The following DENND10 variants were observed in gnomAD, a reference collection of about 807,000 sequenced individuals.
The protein encoded by DENND10 is DENN domain-containing protein 10.
DENND10 carries 24 observed loss-of-function variants against 43.6 expected under a neutral mutation model. That is an observed-to-expected ratio of 0.55 (90% CI 0.40 to 0.77). DENND10 has a LOEUF of 0.77. DENND10 is among the 30% of genes least tolerant of loss of function. DENND10 has a pLI of 0.00. For missense variants in DENND10, 303 were observed against 429.9 expected (o/e 0.70, Z 2.61); for synonymous variants, 125 against 157.6 (o/e 0.79, Z 1.55).
chr10:119,121,445 C>CTT (rs773938225), intron 5 of DENND10, among the ~76,000 whole-genome samples: 59 of 112,826 alleles, frequency 5.2e-4, no homozygotes, highest in African/African-American at 5.6e-4. Flanking sequence ...CCATTAGGTC[C>CTT]TTTTTTTTTT....
intron 5 of DENND10, among the ~76,000 whole-genome samples, chr10:119,120,906 T>C (rs1426456170): frequency 6.6e-6 from 1 of 152,334 alleles, no homozygotes; most frequent in South Asian, 2.1e-4. Flanking sequence ...TCTTTTTTTT[T>C]TCTTGTTTTA....
rs367836571 is a variant in DENND10 at position 119,135,791 on chromosome 10, T to TAAAAAAAAAAAAAAAAAAAAAA, written c.898-676_898-655dup. ...TACACTCAGAAAATGACTAAAATTG[T>TAAAAAAAAAAAAAAAAAAAAAA]AAAAAAAAAAAAAAAAAAAAAAAAA... On this transcript the variant is annotated intron_variant, in intron 8 of 8. Transcript: ENST00000361432. Among the ~76,000 whole-genome samples, 60 of 64,020 alleles carry TAAAAAAAAAAAAAAAAAAAAAA rather than the reference T, an allele frequency of 9.4e-4. 4 individuals carry two copies. The highest frequency in any genetic ancestry group is 1.7e-3 in the South Asian group (2 of 1,182). 42.0% of individuals were successfully genotyped at this position (64,020 alleles called of 152,430 possible).
chr10:119,125,106 C>G (rs7074428), intron 6 of DENND10, among the ~76,000 whole-genome samples: 151,660 of 152,100 alleles, frequency 1, 75,616 homozygotes, highest in East Asian at 1. Flanking sequence ...CTAGTAGCTG[C>G]GATTACAGGC....
At chr10:119,124,604 G>A (rs1011568215) in intron 6 of DENND10, among the ~76,000 whole-genome samples, 31 of 151,846 alleles carry the variant, frequency 2.0e-4, no homozygotes, top group Non-Finnish European at 3.5e-4. Flanking sequence ...GGCTGGTCTT[G>A]AACTCCCGAA....
At chr10:119,107,843 G>A in intron 1 of DENND10, 125 bp from the exon 2 acceptor site, 1 of 830,132 alleles carries the variant, frequency 1.2e-6, no homozygotes, top group Non-Finnish European at 2.1e-6. Context: ...GGGGTGTCAG[G>A]TATTGTGAGT....
At position 119,104,170 on chromosome 10, in the gene DENND10, C is replaced by G. The variant is rs1285179181; in HGVS notation, c.28C>G (p.Gln10Glu). Reference sequence around the variant, plus strand: ...GGCTGCGGCCGAGGTGGCGGACACTCAGCTGATGCTTGGAGTCGGGCTGAT... The same window carrying G: ...GGCTGCGGCCGAGGTGGCGGACACTGAGCTGATGCTTGGAGTCGGGCTGAT... MAAAEVADT[Q>E]LMLGVGLIEK... Residue 10 changes from glutamine to glutamate, a missense_variant, in exon 1 of 9, where the codon CAG becomes GAG. By Grantham distance (29) the Gln-to-Glu change is conservative. Transcript: ENST00000361432. 7 of 1,523,862 alleles carry G rather than the reference C, an allele frequency of 4.6e-6. No homozygotes were observed. In the South Asian group the frequency reaches 7.4e-5, roughly 16 times the overall value. The allele number at this position is 1,523,862 out of a possible 1,614,324, so 94.4% of individuals were successfully genotyped here. A position where few individuals can be genotyped will look rare whatever the true frequency, so the allele number is the denominator to read the frequency against.
intron 2 of DENND10, among the ~76,000 whole-genome samples, chr10:119,108,908 G>A (rs1009318530): frequency 6.7e-6 from 1 of 149,642 alleles, no homozygotes; most frequent in Non-Finnish European, 1.5e-5. Flanking sequence ...ACCCGGCCAG[G>A]ATAAATTAAG....
At chr10:119,118,984 C>T (rs991412691) in intron 4 of DENND10, among the ~76,000 whole-genome samples, 1 of 151,364 alleles carries the variant, frequency 6.6e-6, no homozygotes, top group Non-Finnish European at 1.5e-5. Context: ...GCTGGGACTA[C>T]AGGCACCTGC....
chr10:119,119,606 A>G (rs1004344780), intron 4 of DENND10, among the ~76,000 whole-genome samples: 4 of 149,192 alleles, frequency 2.7e-5, no homozygotes, highest in African/African-American at 9.9e-5. Flanking sequence ...TTTTAGAGAC[A>G]GTCTCCCTGT....
At chr10:119,135,742 A>G (rs1846300014) in intron 8 of DENND10, among the ~76,000 whole-genome samples, 1 of 142,132 alleles carries the variant, frequency 7.0e-6, no homozygotes, top group Non-Finnish European at 1.5e-5. Context: ...CAACGCTGCA[A>G]ATGTACTTAA....
At chr10:119,105,517 T>G in intron 1 of DENND10, 2 of 1,171,716 alleles carry the variant, frequency 1.7e-6, no homozygotes, top group South Asian at 3.1e-5. Context: ...TATTTATTTC[T>G]AATGTGATTT....
intron 2 of DENND10, among the ~76,000 whole-genome samples, chr10:119,108,629 C>T (rs1328927095): frequency 6.6e-6 from 1 of 151,830 alleles, no homozygotes; most frequent in Non-Finnish European, 1.5e-5. Flanking sequence ...GTGAGCAGTA[C>T]AGCAATATGT....
intron 6 of DENND10, among the ~76,000 whole-genome samples, chr10:119,124,558 C>CT (rs993876210): frequency 7.3e-5 from 11 of 150,438 alleles, no homozygotes; most frequent in Middle Eastern, 3.2e-3. Flanking sequence ...AAAGATTTAC[C>CT]TTTTTTTTTG....
chr10:119,121,564 C>T (rs748925921), intron 5 of DENND10, among the ~76,000 whole-genome samples: 99 of 150,730 alleles, frequency 6.6e-4, no homozygotes, highest in Non-Finnish European at 1.1e-3. Context: ...AAGTAATTCT[C>T]CTGCCTCAGC....
In DENND10 at chr10:119,129,594, T is replaced by A; in HGVS notation, c.774T>A (p.Ser258Arg). The change falls in exon 7 of 9, where the codon AGT becomes AGA. Residue 258 changes from serine (S) to arginine (R), a missense_variant. Physicochemically the swap from Ser to Arg is moderately radical, Grantham distance 110 (BLOSUM62 -1). Transcript: ENST00000361432. The stretch of plus-strand genomic sequence containing the variant: ...ATGTGTTTGTGAATCTGGCAGAGAG[T>A]GAGATTACCATTGCTCCCCTTGCAA... ...LYDVFVNLAE[S>R]EITIAPLAKE... 6.2e-7 allele frequency: 1 copy of A among 1,610,560 alleles called. No homozygotes were observed.
intron 3 of DENND10, among the ~76,000 whole-genome samples, chr10:119,115,557 T>A (rs1188972064): frequency 2.6e-5 from 1 of 37,896 alleles, no homozygotes; most frequent in African/African-American, 6.7e-5. Context: ...CCGGCTAATT[T>A]TTTTTGTATT....
At position 119,132,174 on chromosome 10, in the gene DENND10, C is replaced by T. The variant is rs1424617450; in HGVS notation, c.803-341C>T. ...TTAACTGTAAAGAGCTGGACTAGAA[C>T]GTCAGACTCTTGGCTTATAGTCATG... On this transcript the variant is annotated intron_variant, in intron 7 of 8. Transcript: ENST00000361432. The surrounding 1 kb of genome is among the most constrained non-coding windows in gnomAD (Gnocchi z 4.2). Among the ~76,000 whole-genome samples, 2 of 152,152 alleles carry T rather than the reference C, an allele frequency of 1.3e-5. No individual in the cohort carries two copies. The highest frequency in any genetic ancestry group is 4.8e-5 in the African/African-American group (2 of 41,442).
chr10:119,106,966 C>T (rs1844725014), intron 1 of DENND10, among the ~76,000 whole-genome samples: 1 of 151,980 alleles, frequency 6.6e-6, no homozygotes, highest in South Asian at 2.1e-4. Context: ...AGGAGAATAG[C>T]TTGAATCTGG....
chr10:119,120,400 A>G lies in DENND10; in HGVS notation c.541A>G (p.Lys181Glu). 6.2e-7 allele frequency: 1 copy of G among 1,613,490 alleles called. No individual in the cohort carries two copies. Among genetic ancestry groups the G allele is most frequent in the South Asian group, 1.1e-5 (1 of 91,078 alleles). Residue 181 changes from lysine to glutamate, a missense_variant, in exon 5 of 9, where the codon AAA becomes GAA. Coordinates refer to ENST00000361432, the MANE Select transcript of DENND10 (RefSeq NM_207009.4). ...VILHTALMLK[K>E]RIVVYHPKIE... Reference sequence around the variant, plus strand: ...CTTACACACAGCACTGATGCTAAAGAAAAGAATTGTGGTGTATCACCCCAA... The same window carrying G: ...CTTACACACAGCACTGATGCTAAAGGAAAGAATTGTGGTGTATCACCCCAA...
Sources: allele counts gnomAD v4.1 joint callset (sites outside exome capture counted in the v4.1 genomes callset), GRCh38; gene constraint gnomAD v4.1.1; non-coding constraint Gnocchi (gnomAD v3.1); transcripts MANE v1.5; gene names NCBI Gene and HGNC (gene_info 2026-07-23, HGNC 2026-07-21).